The following PLSCR4 variants were observed in gnomAD, a reference collection of about 807,000 sequenced individuals.
PLSCR4 encodes Ca(2+)-dependent phospholipid scramblase 4.
PLSCR4 carries 25 observed loss-of-function variants against 36.3 expected under a neutral mutation model. That is an observed-to-expected ratio of 0.69 (90% CI 0.50 to 0.96). The LOEUF (loss-of-function observed/expected upper bound fraction) is 0.96. Among genes scored for constraint, PLSCR4 ranks in the 40% least tolerant of loss-of-function variants. The pLI, the probability that PLSCR4 is intolerant of heterozygous loss-of-function variation, is 0.00. For synonymous variants in PLSCR4, 122 were observed against 132.9 expected (o/e 0.92, Z 0.56); for missense variants, 408 against 414.7 (o/e 0.98, Z 0.14).
At chr3:146,243,793 A>T (rs1400910878) in intron 1 of PLSCR4, among the ~76,000 whole-genome samples, 1 of 152,186 alleles carries the variant, frequency 6.6e-6, no homozygotes, top group Non-Finnish European at 1.5e-5. Context: ...AAAGTCATCC[A>T]TCAGAATGCT....
At chr3:146,224,095 T>G (rs181545820) in intron 1 of PLSCR4, among the ~76,000 whole-genome samples, 37 of 152,022 alleles carry the variant, frequency 2.4e-4, no homozygotes, top group African/African-American at 7.7e-4. Flanking sequence ...TGACTACAGC[T>G]TTCTAGAAAT....
chr3:146,248,905 T>C (rs141941479), intron 1 of PLSCR4, among the ~76,000 whole-genome samples: 146 of 152,300 alleles, frequency 9.6e-4, no homozygotes, highest in African/African-American at 2.8e-3. Context: ...TATCAGACTT[T>C]CAAAATTTGT....
chr3:146,207,785 T>C (rs17349248), intron 3 of PLSCR4, among the ~76,000 whole-genome samples: 19,154 of 152,184 alleles, frequency 0.13, 1,272 homozygotes, highest in Middle Eastern at 0.19. Flanking sequence ...TGATGAATTA[T>C]CTTTGTCATT....
intron 1 of PLSCR4, among the ~76,000 whole-genome samples, chr3:146,232,185 A>T (rs534828580): frequency 2.0e-5 from 3 of 151,760 alleles, no homozygotes; most frequent in African/African-American, 7.2e-5. Context: ...CTTTATTTCT[A>T]TTCTGTTGTT....
rs1440408263 is a variant in PLSCR4 at position 146,250,673 on chromosome 3, T to G, written c.-22+287A>C. 3 of 152,116 alleles carry G rather than the reference T, an allele frequency of 2.0e-5. No individual in the cohort carries two copies. In the East Asian group the frequency reaches 5.8e-4, roughly 30 times the overall value. 9.4% of individuals were successfully genotyped at this position (152,116 alleles called of 1,614,324 possible). Reference sequence around the variant, plus strand: ...GAGCGAAACGAAAGGGCCGCCCCCGTGAAGTGCAGCCAGGACCCCCATCCC... The same window carrying G: ...GAGCGAAACGAAAGGGCCGCCCCCGGGAAGTGCAGCCAGGACCCCCATCCC... On this transcript the variant is annotated intron_variant, in intron 1 of 8. Transcript: ENST00000354952.
In PLSCR4 at chr3:146,236,144, A is replaced by G. The variant is rs984124613; in HGVS notation, c.-21-14052T>C. 3.3e-5 allele frequency among the ~76,000 whole-genome samples: 5 copies of G among 152,134 alleles called. No individual in the cohort carries two copies. The South Asian group carries it at 1.0e-3, about 32-fold the overall frequency. ...AATTCAAGCAATCTTGAGAAATTTC[A>G]TAACTAGAAGGAAGGAAATTGCTAC... On this transcript the variant is annotated intron_variant, in intron 1 of 8. Transcript: ENST00000354952.
At chr3:146,198,931 G>C (rs974113317) in intron 6 of PLSCR4, among the ~76,000 whole-genome samples, 2 of 152,094 alleles carry the variant, frequency 1.3e-5, no homozygotes, top group African/African-American at 4.8e-5. Context: ...TATTCATTGA[G>C]TACTATACTA....
Position 146,214,415 on chromosome 3 carries a change from G to A in PLSCR4, c.118+6400C>T, listed in dbSNP as rs1481275605. Among the ~76,000 whole-genome samples the A allele has an allele frequency of 3.6e-5, 5 of 140,256 alleles. 1 individual carries two copies. Among genetic ancestry groups the A allele is most frequent in the Admixed American group, 2.8e-4 (4 of 14,136 alleles). 92.0% of individuals were successfully genotyped at this position (140,256 alleles called of 152,430 possible). On this transcript the variant is annotated intron_variant, in intron 3 of 8. Transcript: ENST00000354952. The stretch of plus-strand genomic sequence containing the variant: ...TGGGATTACAGGCGTGAGCCACCGC[G>A]CCCGGCCCTCTTCCTTTTTTTTTAA...
chr3:146,209,597 A>G (rs1188553422), intron 3 of PLSCR4, among the ~76,000 whole-genome samples: 1 of 152,100 alleles, frequency 6.6e-6, no homozygotes, highest in Non-Finnish European at 1.5e-5. Context: ...CCATTACTGC[A>G]TATCTATCTA....
At chr3:146,246,163 C>A (rs188025601) in intron 1 of PLSCR4, among the ~76,000 whole-genome samples, 1 of 152,162 alleles carries the variant, frequency 6.6e-6, no homozygotes, top group East Asian at 1.9e-4. Flanking sequence ...AGGAATGTCC[C>A]ATAGATACAC....
chr3:146,212,437 G>T (rs201291707), intron 3 of PLSCR4, among the ~76,000 whole-genome samples: 18 of 143,600 alleles, frequency 1.3e-4, no homozygotes, highest in East Asian at 2.0e-4. Context: ...TTTTTGTTTT[G>T]TTTTTTTTTG....
intron 1 of PLSCR4, among the ~76,000 whole-genome samples, chr3:146,244,266 T>C (rs1264696515): frequency 6.6e-6 from 1 of 152,164 alleles, no homozygotes; most frequent in East Asian, 1.9e-4. Flanking sequence ...CTTCAGGCTA[T>C]ATGTTTAAAA....
intron 1 of PLSCR4, among the ~76,000 whole-genome samples, chr3:146,241,699 C>A (rs1299259455): frequency 6.6e-6 from 1 of 152,146 alleles, no homozygotes; most frequent in Non-Finnish European, 1.5e-5. Context: ...ACCCACCCAA[C>A]AGCATTAGAA....
In PLSCR4 at chr3:146,240,821, T is replaced by C. The variant is rs1046686568; in HGVS notation, c.-22+10139A>G. ...TCATTATGGTTAATACAGTTAACCA[T>C]GTCCTCTAGTAATTTCTTTCTAGGT... On this transcript the variant is annotated intron_variant, in intron 1 of 8. Transcript: ENST00000354952. Among the ~76,000 whole-genome samples, 3 of 152,336 alleles carry C rather than the reference T, an allele frequency of 2.0e-5. 1 individual carries two copies. The highest frequency in any genetic ancestry group is 4.1e-4 in the South Asian group (2 of 4,824).
chr3:146,194,520 T>C, intron 8 of PLSCR4, 65 bp from the exon 9 acceptor site: 5 of 961,836 alleles, frequency 5.2e-6, no homozygotes, highest in Non-Finnish European at 8.3e-6. Flanking sequence ...TGCGGTATTA[T>C]CCTTTGTAAT....
At chr3:146,228,000 A>C (rs2035548270) in intron 1 of PLSCR4, among the ~76,000 whole-genome samples, 1 of 152,208 alleles carries the variant, frequency 6.6e-6, no homozygotes, top group Non-Finnish European at 1.5e-5. Flanking sequence ...CACACTTCAG[A>C]CAGTATGGAC....
chr3:146,248,243 T>C (rs993399331), intron 1 of PLSCR4, among the ~76,000 whole-genome samples: 3 of 152,182 alleles, frequency 2.0e-5, no homozygotes, highest in African/African-American at 7.2e-5. Context: ...ATGAAAGGTT[T>C]TGTGAAATAT....
rs568196931 is a variant in PLSCR4 at position 146,204,683 on chromosome 3, A to G, written c.354+1843T>C. On this transcript the variant is annotated intron_variant, in intron 4 of 8. Transcript: ENST00000354952. ...AACCTCTGTCAGAATCATAAAAGAAATTAAGAAACAAGTTTTTAATATTTA... is the reference window on the plus strand; with the variant it reads ...AACCTCTGTCAGAATCATAAAAGAAGTTAAGAAACAAGTTTTTAATATTTA... Among the ~76,000 whole-genome samples the G allele has an allele frequency of 5.3e-5, 8 of 152,178 alleles. No individual in the cohort carries two copies. In the South Asian group the frequency reaches 1.7e-3, roughly 31 times the overall value.
rs1321534040 is a variant in PLSCR4, at chr3:146,196,612, C to G, written c.786+20G>C. On this transcript the variant is annotated intron_variant, in intron 7 of 8. Transcript: ENST00000354952. ...ATGAGTAGGAAAAATATCAGAAACA[C>G]TATTTTTACATAGTTTCACCTCAAA... The G allele has an allele frequency of 2.5e-6, 4 of 1,610,702 alleles. No homozygotes were observed. Among genetic ancestry groups the G allele is most frequent in the Non-Finnish European group, 3.4e-6 (4 of 1,177,186 alleles).
Sources: gnomAD v4.1 joint callset for allele counts (sites outside exome capture counted in the v4.1 genomes callset) on GRCh38, gnomAD v4.1.1 for gene constraint, MANE v1.5 for transcripts, NCBI Gene and HGNC (gene_info 2026-07-23, HGNC 2026-07-21) for gene names.